RASAL2: variants seen among roughly 807,000 people sequenced by gnomAD.
RASAL2 encodes the protein ras GTPase-activating protein nGAP.
In RASAL2, 58 loss-of-function variants were observed where a neutral mutation model predicts 128.9. The ratio of observed to expected loss-of-function variants is 0.45; its 90% CI spans 0.36 to 0.56. The LOEUF (loss-of-function observed/expected upper bound fraction) is 0.56. Among genes scored for constraint, RASAL2 ranks in the 20% least tolerant of loss-of-function variants. The pLI is 0.00. For missense variants in RASAL2, 1,360 were observed against 1,601.6 expected (o/e 0.85, Z 2.57); for synonymous variants, 561 against 580.8 (o/e 0.97, Z 0.49).
intron 1 of RASAL2, among the ~76,000 whole-genome samples, chr1:178,165,492 T>A (rs1031182304): frequency 4.6e-5 from 7 of 152,176 alleles, no homozygotes; most frequent in African/African-American, 1.7e-4. Flanking sequence ...TCTATGCCAT[T>A]TTATGTCAGA....
At chr1:178,265,055 G>A (rs887527889) in intron 1 of RASAL2, among the ~76,000 whole-genome samples, 4 of 152,234 alleles carry the variant, frequency 2.6e-5, no homozygotes, top group African/African-American at 4.8e-5. Flanking sequence ...GCTAGGAACC[G>A]GGGACAAAGA....
intron 3 of RASAL2, among the ~76,000 whole-genome samples, chr1:178,356,379 A>C (rs941585974): frequency 6.6e-6 from 1 of 152,054 alleles, no homozygotes; most frequent in Admixed American, 6.5e-5. Context: ...CAACATAAAT[A>C]CATGCTTATG....
intron 2 of RASAL2, among the ~76,000 whole-genome samples, chr1:178,295,381 C>G (rs950901076): frequency 5.3e-5 from 8 of 152,182 alleles, no homozygotes; most frequent in Non-Finnish European, 8.8e-5. Flanking sequence ...CCTCACCCCC[C>G]AGCAGGCCCT....
At chr1:178,130,914 C>T (rs964302106) in intron 1 of RASAL2, among the ~76,000 whole-genome samples, 25 of 151,774 alleles carry the variant, frequency 1.6e-4, no homozygotes, top group Non-Finnish European at 2.6e-4. Context: ...ATTAGCCGGG[C>T]GCGGTGGTGG....
intron 3 of RASAL2, among the ~76,000 whole-genome samples, chr1:178,359,722 G>T (rs1671007177): frequency 6.6e-6 from 1 of 152,208 alleles, no homozygotes; most frequent in South Asian, 2.1e-4. Context: ...GCTGTAGTCA[G>T]ATGATGATGG....
chr1:178,461,467 C>T (rs1048635382), intron 14 of RASAL2, among the ~76,000 whole-genome samples: 1 of 152,010 alleles, frequency 6.6e-6, no homozygotes, highest in African/African-American at 2.4e-5. Flanking sequence ...TCAAGAAACT[C>T]TCTTAATTTT....
At chr1:178,202,671 G>A (rs965959713) in intron 1 of RASAL2, among the ~76,000 whole-genome samples, 2 of 152,220 alleles carry the variant, frequency 1.3e-5, no homozygotes, top group Non-Finnish European at 2.9e-5. Flanking sequence ...AGAAATCTGG[G>A]GAAGAGGTAT....
intron 1 of RASAL2, among the ~76,000 whole-genome samples, chr1:178,097,096 C>T (rs761518279): frequency 1.2e-4 from 19 of 152,210 alleles, no homozygotes; most frequent in Non-Finnish European, 2.4e-4. Context: ...TTTAAAGAGA[C>T]TTTGATGAGT....
chr1:178,119,267 A>G (rs1256734114), intron 1 of RASAL2, among the ~76,000 whole-genome samples: 5 of 152,180 alleles, frequency 3.3e-5, no homozygotes, highest in Non-Finnish European at 7.3e-5. Context: ...TTATAACTCA[A>G]AAACTCTGGC....
At chr1:178,338,286 C>T (rs189972802) in intron 3 of RASAL2, among the ~76,000 whole-genome samples, 135 of 152,068 alleles carry the variant, frequency 8.9e-4, no homozygotes, top group Middle Eastern at 6.8e-3. Context: ...TGTGCCACCA[C>T]GCCTGGCTAA....
intron 1 of RASAL2, among the ~76,000 whole-genome samples, chr1:178,097,241 T>G (rs1658724434): frequency 6.6e-6 from 1 of 152,226 alleles, no homozygotes; most frequent in Admixed American, 6.5e-5. Flanking sequence ...TAGTTTTAAC[T>G]CATGGCCTCT....
At chr1:178,344,340 C>T (rs1670037888) in intron 3 of RASAL2, among the ~76,000 whole-genome samples, 1 of 151,872 alleles carries the variant, frequency 6.6e-6, no homozygotes, top group Non-Finnish European at 1.5e-5. Context: ...GTTATGTGTC[C>T]CAGTTAAATC....
At chr1:178,297,042 G>GAAAA (rs967498397) in intron 2 of RASAL2, among the ~76,000 whole-genome samples, 12 of 146,736 alleles carry the variant, frequency 8.2e-5, no homozygotes, top group Non-Finnish European at 1.2e-4. Flanking sequence ...GGGCAGAGAA[G>GAAAA]AAAAAAAAAC....
chr1:178,230,974 C>T (rs548306402), intron 1 of RASAL2, among the ~76,000 whole-genome samples: 52 of 152,192 alleles, frequency 3.4e-4, no homozygotes, highest in Middle Eastern at 3.4e-3. Context: ...TTCTCTTTAC[C>T]GGTGGAATGT....
chr1:178,238,194 C>T (rs181015681), intron 1 of RASAL2, among the ~76,000 whole-genome samples: 94 of 152,236 alleles, frequency 6.2e-4, no homozygotes, highest in Non-Finnish European at 1.0e-3. Context: ...CATTTTGTGT[C>T]TAGCTTCTTT....
chr1:178,112,251 T>C (rs2102248581), intron 1 of RASAL2, among the ~76,000 whole-genome samples: 1 of 152,274 alleles, frequency 6.6e-6, no homozygotes, highest in East Asian at 1.9e-4. Context: ...TTTGCTATTT[T>C]ATTTAAGAAA....
intron 3 of RASAL2, among the ~76,000 whole-genome samples, chr1:178,353,726 G>C (rs1024107320): frequency 6.6e-6 from 1 of 152,192 alleles, no homozygotes; most frequent in African/African-American, 2.4e-5. Context: ...TCATGATAGT[G>C]ACTATACGTC....
At chr1:178,453,222 G>A (rs892507778) in intron 11 of RASAL2, among the ~76,000 whole-genome samples, 1 of 151,976 alleles carries the variant, frequency 6.6e-6, no homozygotes, top group Non-Finnish European at 1.5e-5. Context: ...ATGTCCTTTT[G>A]GGGGCAATGG....
intron 1 of RASAL2, among the ~76,000 whole-genome samples, chr1:178,228,145 C>T (rs1229088289): frequency 6.6e-6 from 1 of 152,158 alleles, no homozygotes; most frequent in South Asian, 2.1e-4. Context: ...GAGTCTTCAC[C>T]TTTATTTCTT....
Sources: allele counts gnomAD v4.1 joint callset (sites outside exome capture counted in the v4.1 genomes callset), GRCh38; gene constraint gnomAD v4.1.1; transcripts MANE v1.5; gene names NCBI Gene and HGNC (gene_info 2026-07-23, HGNC 2026-07-21).